PCDH7: variants seen among roughly 807,000 people sequenced by gnomAD.
PCDH7 encodes protocadherin-7.
Under a neutral mutation model 58.9 loss-of-function variants are expected in PCDH7, and 17 were observed. The observed-to-expected ratio is 0.29, with a 90% CI of 0.20 to 0.43. The LOEUF (loss-of-function observed/expected upper bound fraction) is 0.43, where lower values mean the gene tolerates loss of function less well. PCDH7 is among the 20% of genes least tolerant of loss of function. The pLI, the probability that PCDH7 is intolerant of heterozygous loss-of-function variation, is 1.00. For missense variants in PCDH7, 1,274 were observed against 1,441.0 expected (o/e 0.88, Z 1.88); for synonymous variants, 664 against 616.4 (o/e 1.08, Z -1.14).
At chr4:30,862,678 G>C (rs886513582) in intron 1 of PCDH7, among the ~76,000 whole-genome samples, 2 of 152,116 alleles carry the variant, frequency 1.3e-5, no homozygotes, top group African/African-American at 4.8e-5. Context: ...TAAATGCACA[G>C]AAGAATTTTG....
chr4:30,786,738 G>A (rs896016451), intron 1 of PCDH7: 23 of 982,958 alleles, frequency 2.3e-5, no homozygotes, highest in Non-Finnish European at 2.7e-5. Flanking sequence ...TGGATACAGT[G>A]CAGACCATGA....
intron 1 of PCDH7, among the ~76,000 whole-genome samples, chr4:30,825,360 G>T (rs1223416020): frequency 6.6e-6 from 1 of 152,042 alleles, no homozygotes; most frequent in East Asian, 1.9e-4. Flanking sequence ...AGAATGTTTT[G>T]ATAGAACTAA....
chr4:30,788,931 A>T (rs1186573045), intron 1 of PCDH7, among the ~76,000 whole-genome samples: 1 of 152,200 alleles, frequency 6.6e-6, no homozygotes, highest in Non-Finnish European at 1.5e-5. Context: ...GAAATGTTTC[A>T]AACAGATACT....
At chr4:31,027,969 C>T (rs1754579159) in intron 3 of PCDH7, among the ~76,000 whole-genome samples, 1 of 151,992 alleles carries the variant, frequency 6.6e-6, no homozygotes, top group South Asian at 2.1e-4. Flanking sequence ...TTAAATTAGC[C>T]AATTGAATTT....
intron 2 of PCDH7, 87 bp downstream of exon 2, chr4:30,920,456 A>C (rs11735048): frequency 0.7 from 579,497 of 822,770 alleles, 204,746 homozygotes; most frequent in East Asian, 0.79. Context: ...AAACCAAAAT[A>C]AAATAGCTGA....
intron 1 of PCDH7, among the ~76,000 whole-genome samples, chr4:30,916,216 A>G (rs1742452879): frequency 6.6e-6 from 1 of 152,076 alleles, no homozygotes; most frequent in African/African-American, 2.4e-5. Flanking sequence ...CACTGCCACT[A>G]CCTTCTCTCA....
intron 3 of PCDH7, among the ~76,000 whole-genome samples, chr4:30,964,721 A>G (rs1460861616): frequency 6.6e-6 from 1 of 152,062 alleles, no homozygotes; most frequent in African/African-American, 2.4e-5. Flanking sequence ...CTGGCACGTA[A>G]TAGATGGAAA....
At chr4:31,036,346 C>T (rs773481608) in intron 3 of PCDH7, among the ~76,000 whole-genome samples, 16 of 152,040 alleles carry the variant, frequency 1.1e-4, no homozygotes, top group East Asian at 3.9e-4. Context: ...CCACCACACC[C>T]GGCTAATTTC....
intron 3 of PCDH7, among the ~76,000 whole-genome samples, chr4:31,125,323 TA>T (rs2109329217): frequency 6.6e-6 from 1 of 152,328 alleles, no homozygotes; most frequent in East Asian, 1.9e-4. Context: ...CTGTCCAAGC[TA>T]AAAATGTCCC....
downstream of PCDH7, among the ~76,000 whole-genome samples, chr4:30,737,533 CAT>C (rs993716340): frequency 8.6e-6 from 1 of 115,710 alleles, no homozygotes; most frequent in African/African-American, 3.0e-5. Context: ...CGTATGTATA[CAT>C]ATGTGTGTGT....
chr4:31,083,044 C>G (rs913791433), intron 3 of PCDH7, among the ~76,000 whole-genome samples: 1 of 152,010 alleles, frequency 6.6e-6, no homozygotes, highest in Non-Finnish European at 1.5e-5. Context: ...GGAGGTGGAG[C>G]TTGCAATGAG....
At chr4:31,039,741 C>T (rs1383515215) in intron 3 of PCDH7, among the ~76,000 whole-genome samples, 1 of 152,134 alleles carries the variant, frequency 6.6e-6, no homozygotes, top group Non-Finnish European at 1.5e-5. Flanking sequence ...AACTGTTTTG[C>T]TGGTGTATGT....
At chr4:31,062,057 C>G (rs918174061) in intron 3 of PCDH7, among the ~76,000 whole-genome samples, 12 of 151,682 alleles carry the variant, frequency 7.9e-5, no homozygotes, top group African/African-American at 2.9e-4. Flanking sequence ...AACTGTTTAA[C>G]ATCCAAGAAT....
intron 3 of PCDH7, among the ~76,000 whole-genome samples, chr4:31,073,590 C>T (rs1164160004): frequency 6.6e-6 from 1 of 152,070 alleles, no homozygotes; most frequent in Admixed American, 6.6e-5. Flanking sequence ...CTACCTAAGT[C>T]CACTGAATAT....
At chr4:30,919,783 C>T (rs975477173) in intron 1 of PCDH7, among the ~76,000 whole-genome samples, 2 of 152,128 alleles carry the variant, frequency 1.3e-5, no homozygotes, top group Admixed American at 6.5e-5. Context: ...TATTTACTGC[C>T]TTCACAAATC....
chr4:30,798,787 C>G (rs900342680), intron 1 of PCDH7, among the ~76,000 whole-genome samples: 3 of 152,162 alleles, frequency 2.0e-5, no homozygotes, highest in Non-Finnish European at 4.4e-5. Context: ...TCATTTCTAC[C>G]TCTATCCTCT....
chr4:30,906,500 T>C (rs1740944241), intron 1 of PCDH7, among the ~76,000 whole-genome samples: 1 of 152,124 alleles, frequency 6.6e-6, no homozygotes, highest in South Asian at 2.1e-4. Flanking sequence ...TTTAAGATAC[T>C]GTCATTGAAA....
At chr4:30,884,161 T>C (rs945226405) in intron 1 of PCDH7, among the ~76,000 whole-genome samples, 1 of 152,174 alleles carries the variant, frequency 6.6e-6, no homozygotes, top group Non-Finnish European at 1.5e-5. Context: ...ATAGCTGAAA[T>C]TTTTGAGCAC....
intron 3 of PCDH7, among the ~76,000 whole-genome samples, chr4:31,001,146 A>G (rs1383879517): frequency 6.6e-6 from 1 of 151,982 alleles, no homozygotes; most frequent in Non-Finnish European, 1.5e-5. Context: ...TGTAACAAAA[A>G]CCTGCGGACA....
Sources: allele counts gnomAD v4.1 joint callset (sites outside exome capture counted in the v4.1 genomes callset), GRCh38; gene constraint gnomAD v4.1.1; transcripts MANE v1.5; gene names NCBI Gene and HGNC (gene_info 2026-07-23, HGNC 2026-07-21).